ARL8B: variants seen among roughly 807,000 people sequenced by gnomAD.
ARL8B encodes ADP-ribosylation factor-like protein 8B.
In ARL8B, 9 loss-of-function variants were observed where a neutral mutation model predicts 30.6. The observed-to-expected ratio is 0.29, with a 90% CI of 0.18 to 0.51. The LOEUF (loss-of-function observed/expected upper bound fraction) is 0.51. ARL8B is among the 20% of genes least tolerant of loss of function. The pLI, the probability that ARL8B is intolerant of heterozygous loss-of-function variation, is 0.97. For missense variants in ARL8B, 130 were observed against 227.2 expected, an observed-to-expected ratio of 0.57 and a Z score of 2.75; for synonymous variants, 74 against 76.0, an observed-to-expected ratio of 0.97 and a Z score of 0.14.
At chr3:5,136,797 T>G (rs1016708967) in intron 1 of ARL8B, among the ~76,000 whole-genome samples, 2 of 152,188 alleles carry the variant, frequency 1.3e-5, no homozygotes, top group Admixed American at 1.3e-4. Context: ...ATTGATTTTC[T>G]TTGCCTGTGA....
At chr3:5,145,346 C>T (rs55948235) in intron 1 of ARL8B, among the ~76,000 whole-genome samples, 58,287 of 151,906 alleles carry the variant, frequency 0.38, 12,709 homozygotes, top group African/African-American at 0.62. Context: ...AACCATCTCC[C>T]GGCTTTTTGA....
intron 1 of ARL8B, among the ~76,000 whole-genome samples, chr3:5,167,156 A>G (rs1399663580): frequency 1.3e-5 from 2 of 152,200 alleles, no homozygotes; most frequent in African/African-American, 4.8e-5. Flanking sequence ...TTGTTCAACC[A>G]AGTTCCAGGT....
In ARL8B at chr3:5,170,600, C is replaced by T. The variant is rs11922669; in HGVS notation, c.204+17C>T. On this transcript the variant is annotated intron_variant, in intron 2 of 6. Coordinates refer to ENST00000256496, the MANE Select transcript of ARL8B (RefSeq NM_018184.3). Reference sequence around the variant, plus strand: ...ACAATAAAGGTAAGTTATTTCTTGCCGTACGCAATTTAAATTGTTAGCACA... The same window carrying T: ...ACAATAAAGGTAAGTTATTTCTTGCTGTACGCAATTTAAATTGTTAGCACA... 1.3e-3 allele frequency: 2,023 copies of T among 1,584,074 alleles called. 20 individuals are homozygous for T. In the African/African-American group the frequency reaches 0.018, roughly 14 times the overall value.
chr3:5,123,568 A>T (rs1199196801), intron 1 of ARL8B, among the ~76,000 whole-genome samples: 1 of 152,222 alleles, frequency 6.6e-6, no homozygotes, highest in Non-Finnish European at 1.5e-5. Flanking sequence ...TGGCTTGTAC[A>T]CGCCAGGGGA....
chr3:5,176,868 G>A (rs996745254), intron 6 of ARL8B, among the ~76,000 whole-genome samples: 1 of 152,190 alleles, frequency 6.6e-6, no homozygotes, highest in Non-Finnish European at 1.5e-5. Flanking sequence ...ACTTGACAAT[G>A]TCTGGAGACA....
At chr3:5,131,100 A>T (rs902904686) in intron 1 of ARL8B, among the ~76,000 whole-genome samples, 3 of 151,924 alleles carry the variant, frequency 2.0e-5, no homozygotes, top group Non-Finnish European at 4.4e-5. Flanking sequence ...TTTAGTAGAG[A>T]CGAGGTTTCA....
rs777278280 is a variant in ARL8B, at chr3:5,122,430, C to T, written c.-36C>T. 8 of 1,610,524 alleles carry T rather than the reference C, an allele frequency of 5.0e-6. 1 individual carries two copies. The South Asian group carries it at 7.7e-5, about 16-fold the overall frequency. On this transcript the variant is annotated 5_prime_UTR_variant, in exon 1 of 7. Coordinates refer to ENST00000256496, the MANE Select transcript of ARL8B (RefSeq NM_018184.3). ...GGAAGTCGTCGACGCCGCCGCTCGTCCGTCCTCCCGTCCGTTCTCGCTCCC... is the reference window on the plus strand; with the variant it reads ...GGAAGTCGTCGACGCCGCCGCTCGTTCGTCCTCCCGTCCGTTCTCGCTCCC...
intron 1 of ARL8B, among the ~76,000 whole-genome samples, chr3:5,133,112 T>C (rs899018266): frequency 1.3e-5 from 2 of 152,032 alleles, no homozygotes; most frequent in Admixed American, 6.6e-5. Flanking sequence ...AAAAAAGATA[T>C]TCAAGCAGGA....
chr3:5,169,558 G>GTT (rs1391526998), intron 1 of ARL8B, among the ~76,000 whole-genome samples: 1 of 123,284 alleles, frequency 8.1e-6, no homozygotes, highest in Non-Finnish European at 1.6e-5. Flanking sequence ...AGTGCTTTCT[G>GTT]TTTTTTTTCT....
chr3:5,140,035 G>C (rs2054358806), intron 1 of ARL8B, among the ~76,000 whole-genome samples: 1 of 143,930 alleles, frequency 6.9e-6, no homozygotes, highest in African/African-American at 2.6e-5. Flanking sequence ...CGCCCAGGCT[G>C]GAGTGCAGTG....
chr3:5,128,898 T>C (rs2054255763), intron 1 of ARL8B, among the ~76,000 whole-genome samples: 1 of 152,250 alleles, frequency 6.6e-6, no homozygotes, highest in East Asian at 1.9e-4. Flanking sequence ...TGTTACAGTG[T>C]ATGCATTTTT....
At chr3:5,154,416 C>CCT (rs2054514774) in intron 1 of ARL8B, among the ~76,000 whole-genome samples, 1 of 151,430 alleles carries the variant, frequency 6.6e-6, no homozygotes, top group Admixed American at 6.6e-5. Flanking sequence ...CTCAGTGCAA[C>CCT]CTCTGCCTTC....
At chr3:5,153,799 A>G (rs1001280160) in intron 1 of ARL8B, among the ~76,000 whole-genome samples, 2 of 151,960 alleles carry the variant, frequency 1.3e-5, no homozygotes, top group Non-Finnish European at 2.9e-5. Flanking sequence ...TTCCTTTAAC[A>G]TTTCTTTTAG....
intron 1 of ARL8B, among the ~76,000 whole-genome samples, chr3:5,152,322 G>T (rs1461548113): frequency 1.3e-5 from 2 of 152,140 alleles, no homozygotes; most frequent in African/African-American, 4.8e-5. Context: ...CTTTTATTAT[G>T]TAATGTCCCT....
At chr3:5,150,151 G>C (rs914901414) in intron 1 of ARL8B, among the ~76,000 whole-genome samples, 2 of 152,082 alleles carry the variant, frequency 1.3e-5, no homozygotes, top group East Asian at 3.9e-4. Flanking sequence ...TGTAGAATTC[G>C]TGTTATTCTT....
intron 6 of ARL8B, among the ~76,000 whole-genome samples, chr3:5,175,496 C>T (rs911690202): frequency 1.3e-5 from 2 of 152,118 alleles, no homozygotes; most frequent in Non-Finnish European, 2.9e-5. Flanking sequence ...GTTATTGAAC[C>T]AGTATATTAC....
intron 1 of ARL8B, among the ~76,000 whole-genome samples, chr3:5,135,366 T>C (rs2054315527): frequency 1.3e-5 from 2 of 150,996 alleles, no homozygotes; most frequent in African/African-American, 4.9e-5. Flanking sequence ...CTGCAACCTC[T>C]GCCTTCTGGG....
intron 1 of ARL8B, among the ~76,000 whole-genome samples, chr3:5,143,031 A>G (rs1326193243): frequency 6.6e-6 from 1 of 152,354 alleles, no homozygotes; most frequent in East Asian, 1.9e-4. Context: ...CAGCTGGGGC[A>G]TGGTAATGCC....
intron 1 of ARL8B, among the ~76,000 whole-genome samples, chr3:5,124,344 G>A (rs1158322732): frequency 2.8e-5 from 4 of 143,418 alleles, no homozygotes; most frequent in South Asian, 2.2e-4. Context: ...GGGCTCAAGC[G>A]AGCCTCCTGC....
Sources: gnomAD v4.1 joint callset for allele counts (sites outside exome capture counted in the v4.1 genomes callset) on GRCh38, gnomAD v4.1.1 for gene constraint, MANE v1.5 for transcripts, NCBI Gene and HGNC (gene_info 2026-07-23, HGNC 2026-07-21) for gene names.